FRMD4B: variants seen among roughly 807,000 people sequenced by gnomAD.
The protein encoded by FRMD4B is FERM domain containing 4B.
In FRMD4B, 74 loss-of-function variants were observed where a neutral mutation model predicts 141.5. The observed-to-expected ratio is 0.52, with a 90% CI of 0.43 to 0.63. FRMD4B has a LOEUF of 0.63. Among genes scored for constraint, FRMD4B ranks in the 30% least tolerant of loss-of-function variants. The pLI, the probability that FRMD4B is intolerant of heterozygous loss-of-function variation, is 0.00. For missense variants in FRMD4B, 1,366 were observed against 1,253.4 expected (o/e 1.09, Z -1.36); for synonymous variants, 506 against 467.9 (o/e 1.08, Z -1.05).
chr3:69,192,849 G>A (rs1266505009), intron 17 of FRMD4B, among the ~76,000 whole-genome samples: 1 of 149,730 alleles, frequency 6.7e-6, no homozygotes, highest in Non-Finnish European at 1.5e-5. Flanking sequence ...GCAGGGTCTT[G>A]CCCTGTCACC....
At chr3:69,241,522 G>A (rs373254303) in intron 7 of FRMD4B, among the ~76,000 whole-genome samples, 1 of 152,162 alleles carries the variant, frequency 6.6e-6, no homozygotes, top group African/African-American at 2.4e-5. Flanking sequence ...AGACAAAAAC[G>A]TTTCATTTCT....
chr3:69,385,633 T>C (rs777644510), intron 1 of FRMD4B, among the ~76,000 whole-genome samples, 195 bp downstream of exon 1: 10 of 152,152 alleles, frequency 6.6e-5, no homozygotes, highest in Non-Finnish European at 1.3e-4. Flanking sequence ...GTGCCCCCCA[T>C]GCCCGATTTG....
intron 1 of FRMD4B, among the ~76,000 whole-genome samples, chr3:69,479,974 T>C (rs1289395817): frequency 1.3e-5 from 2 of 152,228 alleles, no homozygotes; most frequent in African/African-American, 4.8e-5. Flanking sequence ...CCATCACTGA[T>C]ACCCTTTCTT....
At chr3:69,313,967 G>A (rs1406241425) in intron 1 of FRMD4B, among the ~76,000 whole-genome samples, 2 of 147,546 alleles carry the variant, frequency 1.4e-5, no homozygotes, top group African/African-American at 5.0e-5. Context: ...GTGAAACCCC[G>A]TCTCTACTAA....
intron 1 of FRMD4B, among the ~76,000 whole-genome samples, chr3:69,478,555 C>T (rs1045374543): frequency 6.6e-6 from 1 of 152,186 alleles, no homozygotes; most frequent in Non-Finnish European, 1.5e-5. Flanking sequence ...TTTGATTGCA[C>T]TGTGGTCTGA....
intron 14 of FRMD4B, among the ~76,000 whole-genome samples, 184 bp from the exon 15 acceptor site, chr3:69,195,548 C>T (rs1036318726): frequency 6.6e-6 from 1 of 152,100 alleles, no homozygotes; most frequent in Non-Finnish European, 1.5e-5. Flanking sequence ...TCAAACAGAA[C>T]CTGGTAATAA....
intron 2 of FRMD4B, among the ~76,000 whole-genome samples, chr3:69,401,740 G>C (rs1486765862): frequency 6.6e-6 from 1 of 152,012 alleles, no homozygotes; most frequent in East Asian, 1.9e-4. Context: ...GTAGAGATGG[G>C]GTTTTGCCTT....
intron 2 of FRMD4B, among the ~76,000 whole-genome samples, chr3:69,406,699 C>G (rs1352068507): frequency 1.3e-4 from 20 of 151,894 alleles, no homozygotes; most frequent in Non-Finnish European, 5.9e-5. Flanking sequence ...TATGTTTAGC[C>G]AAGTCTTACC....
chr3:69,524,908 TG>T (rs1700910491), intron 1 of FRMD4B, among the ~76,000 whole-genome samples: 1 of 152,102 alleles, frequency 6.6e-6, no homozygotes, highest in Non-Finnish European at 1.5e-5. Flanking sequence ...GAAATGGATT[TG>T]GGGGACAAAA....
chr3:69,462,235 G>A (rs550687898), intron 1 of FRMD4B, among the ~76,000 whole-genome samples: 1 of 152,282 alleles, frequency 6.6e-6, no homozygotes, highest in South Asian at 2.1e-4. Context: ...GGAACTGTCT[G>A]AGAGACTGTG....
At chr3:69,348,241 G>A (rs2107416584) in intron 1 of FRMD4B, among the ~76,000 whole-genome samples, 1 of 152,220 alleles carries the variant, frequency 6.6e-6, no homozygotes, top group African/African-American at 2.4e-5. Flanking sequence ...AGAAGAAATG[G>A]ATAAGTTCCT....
rs552651583 is a variant in FRMD4B, at chr3:69,224,416, T to C, written c.665+191A>G. Reference sequence around the variant, plus strand: ...CAAATGACTGCAAGACACATCTTGGTACAATGATCTCCAGTAAGCTTTGAG... The same window carrying C: ...CAAATGACTGCAAGACACATCTTGGCACAATGATCTCCAGTAAGCTTTGAG... On this transcript the variant is annotated intron_variant, in intron 8 of 22. Transcript: ENST00000398540. Among the ~76,000 whole-genome samples, 8 of 152,346 alleles carry C rather than the reference T, an allele frequency of 5.3e-5. No individual in the cohort carries two copies. The East Asian group carries it at 1.5e-3, about 29-fold the overall frequency.
intron 4 of FRMD4B, among the ~76,000 whole-genome samples, chr3:69,300,626 G>A (rs1009791967): frequency 6.6e-6 from 1 of 152,212 alleles, no homozygotes; most frequent in African/African-American, 2.4e-5. Context: ...CTTGTTAGAT[G>A]TTCTGAAGAC....
At chr3:69,529,502 T>G (rs1700982683) in intron 1 of FRMD4B, among the ~76,000 whole-genome samples, 1 of 152,030 alleles carries the variant, frequency 6.6e-6, no homozygotes, top group South Asian at 2.1e-4. Flanking sequence ...TTCCCTTAAC[T>G]CCCAGGCCAG....
intron 2 of FRMD4B, among the ~76,000 whole-genome samples, chr3:69,417,541 T>A (rs1365907771): frequency 1.3e-5 from 2 of 152,222 alleles, no homozygotes; most frequent in East Asian, 3.8e-4. Flanking sequence ...CAGAAGCTCT[T>A]TAGTTTAATT....
chr3:69,369,240 C>T (rs1175379821), intron 1 of FRMD4B, among the ~76,000 whole-genome samples: 1 of 152,140 alleles, frequency 6.6e-6, no homozygotes, highest in African/African-American at 2.4e-5. Context: ...TACATAAATA[C>T]ATACATGTAT....
intron 1 of FRMD4B, among the ~76,000 whole-genome samples, chr3:69,366,383 TATTAAAAATA>T (rs1372716643): frequency 2.6e-5 from 4 of 152,178 alleles, no homozygotes. Flanking sequence ...ATACAACACT[TATTAAAAATA>T]ATGACATATA....
chr3:69,461,866 C>T (rs1705713386), intron 1 of FRMD4B, among the ~76,000 whole-genome samples: 2 of 152,088 alleles, frequency 1.3e-5, no homozygotes, highest in African/African-American at 4.8e-5. Flanking sequence ...CTTTCCCTCT[C>T]AAAAGTGTCC....
At chr3:69,429,611 AT>A (rs2106830952) in intron 2 of FRMD4B, among the ~76,000 whole-genome samples, 1 of 152,282 alleles carries the variant, frequency 6.6e-6, no homozygotes, top group African/African-American at 2.4e-5. Flanking sequence ...CAACTATGAC[AT>A]ATCAGTACAA....
Sources: allele counts gnomAD v4.1 joint callset (sites outside exome capture counted in the v4.1 genomes callset), GRCh38; gene constraint gnomAD v4.1.1; transcripts MANE v1.5; gene names NCBI Gene and HGNC (gene_info 2026-07-23, HGNC 2026-07-21).